The following STYK1 variants were observed in gnomAD, a reference collection of about 807,000 sequenced individuals.
The protein encoded by STYK1 is tyrosine-protein kinase STYK1.
STYK1 carries 46 observed loss-of-function variants against 48.1 expected under a neutral mutation model. The observed-to-expected ratio is 0.96, with a 90% CI of 0.75 to 1.22. The LOEUF (loss-of-function observed/expected upper bound fraction) is 1.22, where lower values mean the gene tolerates loss of function less well. Ranked by LOEUF, STYK1 falls within the 50% of genes most tolerant of loss-of-function variation. The pLI is 0.00. For missense variants in STYK1, 527 were observed against 521.1 expected, an observed-to-expected ratio of 1.01 and a Z score of -0.11; for synonymous variants, 188 against 189.0, an observed-to-expected ratio of 0.99 and a Z score of 0.04.
intron 4 of STYK1, among the ~76,000 whole-genome samples, chr12:10,632,085 C>T (rs1947435401): frequency 6.6e-6 from 1 of 151,784 alleles, no homozygotes; most frequent in Admixed American, 6.6e-5. Flanking sequence ...AGTGTGATGC[C>T]ATGAGCCTAT....
chr12:10,631,363 A>G (rs1947427369), intron 4 of STYK1, 55 bp from the exon 5 acceptor site: 1 of 1,589,006 alleles, frequency 6.3e-7, no homozygotes, highest in Non-Finnish European at 8.6e-7. Flanking sequence ...GATCCCGGAA[A>G]GCAGACCCTG....
At chr12:10,636,395 T>A (rs991455758) in intron 2 of STYK1, among the ~76,000 whole-genome samples, 2 of 152,218 alleles carry the variant, frequency 1.3e-5, no homozygotes, top group African/African-American at 4.8e-5. Flanking sequence ...GAACTTCTTA[T>A]CCTTATTCTT....
At chr12:10,666,558 G>A (rs1947835734) in intron 1 of STYK1, among the ~76,000 whole-genome samples, 1 of 152,250 alleles carries the variant, frequency 6.6e-6, no homozygotes, top group East Asian at 1.9e-4. Flanking sequence ...ATTACATGTT[G>A]ATATGATTTG....
chr12:10,661,472 C>G (rs554841389), intron 1 of STYK1, among the ~76,000 whole-genome samples: 18 of 152,332 alleles, frequency 1.2e-4, no homozygotes, highest in African/African-American at 4.3e-4. Context: ...CTTTGGAATC[C>G]ACCCTGCTCT....
intron 2 of STYK1, among the ~76,000 whole-genome samples, chr12:10,634,993 A>G (rs1290924338): frequency 6.6e-6 from 1 of 152,188 alleles, no homozygotes; most frequent in Admixed American, 6.5e-5. Flanking sequence ...TTCTGCTCCC[A>G]TGATCAAGTA....
intron 1 of STYK1, among the ~76,000 whole-genome samples, chr12:10,665,737 T>C (rs750837853): frequency 4.6e-5 from 7 of 152,214 alleles, no homozygotes; most frequent in African/African-American, 4.8e-5. Context: ...TGTGTTTTCA[T>C]TGATGGAGCT....
chr12:10,660,746 C>A lies in STYK1; in HGVS notation c.-195+13220G>T, dbSNP rs148767065. ...TTATACACTAATTATAATGTATTAG[C>A]GTGCTAAGAGACACTGCCACCAGTG... is the stretch of plus-strand genomic sequence containing the variant. On this transcript the variant is annotated intron_variant, in intron 1 of 10. Coordinates refer to ENST00000075503, the MANE Select transcript of STYK1 (RefSeq NM_018423.3). 2.7e-3 allele frequency among the ~76,000 whole-genome samples: 411 copies of A among 152,220 alleles called. 2 individuals carry two copies. Among genetic ancestry groups the A allele is most frequent in the African/African-American group, 9.3e-3 (388 of 41,518 alleles).
intron 1 of STYK1, among the ~76,000 whole-genome samples, chr12:10,669,931 A>G (rs1037507292): frequency 6.6e-6 from 1 of 152,232 alleles, no homozygotes; most frequent in East Asian, 1.9e-4. Flanking sequence ...AAAATGAGCT[A>G]TTACCTCATA....
chr12:10,647,939 C>T (rs1317738152), intron 1 of STYK1, among the ~76,000 whole-genome samples: 1 of 152,198 alleles, frequency 6.6e-6, no homozygotes. Context: ...CCACTCAGAA[C>T]TGTAAGTCCA....
chr12:10,630,741 C>T (rs1217301961), intron 5 of STYK1, among the ~76,000 whole-genome samples: 1 of 151,626 alleles, frequency 6.6e-6, no homozygotes, highest in African/African-American at 2.4e-5. Flanking sequence ...AGGAATGTAC[C>T]TCAACACAAT....
intron 1 of STYK1, among the ~76,000 whole-genome samples, chr12:10,642,640 G>T (rs1947557765): frequency 6.6e-6 from 1 of 152,144 alleles, no homozygotes. Flanking sequence ...GTGCATGTAA[G>T]TATACTCTAT....
intron 1 of STYK1, among the ~76,000 whole-genome samples, chr12:10,657,007 G>A (rs938818457): frequency 2.0e-5 from 3 of 152,160 alleles, no homozygotes; most frequent in African/African-American, 7.2e-5. Flanking sequence ...AGTTATGGGG[G>A]ATACTTAACT....
chr12:10,620,589 A>G (rs1865891795), intron 10 of STYK1, among the ~76,000 whole-genome samples: 1 of 152,212 alleles, frequency 6.6e-6, no homozygotes, highest in Non-Finnish European at 1.5e-5. Flanking sequence ...CATTTTCCAA[A>G]CTAGGGTATG....
intron 7 of STYK1, among the ~76,000 whole-genome samples, chr12:10,625,206 T>C (rs2417909): frequency 8.9e-5 from 13 of 145,868 alleles, no homozygotes; most frequent in Non-Finnish European, 1.7e-4. Flanking sequence ...TTCTTTCTTT[T>C]TTTGTTTGTT....
At chr12:10,647,875 T>C (rs1461609240) in intron 1 of STYK1, among the ~76,000 whole-genome samples, 1 of 152,186 alleles carries the variant, frequency 6.6e-6, no homozygotes, top group Non-Finnish European at 1.5e-5. Flanking sequence ...ATCATTCACA[T>C]AAGATGTGAC....
chr12:10,621,792 T>TG, intron 10 of STYK1, 84 bp downstream of exon 10: 1 of 1,250,540 alleles, frequency 8.0e-7, no homozygotes, highest in Admixed American at 1.7e-5. Context: ...GAGGATCATC[T>TG]GAGCCCTTTG....
At chr12:10,654,864 C>T (rs1378357795) in intron 1 of STYK1, among the ~76,000 whole-genome samples, 3 of 152,158 alleles carry the variant, frequency 2.0e-5, no homozygotes, top group Non-Finnish European at 4.4e-5. Context: ...CAGGAATAGG[C>T]ATGTACAGGA....
intron 1 of STYK1, among the ~76,000 whole-genome samples, chr12:10,662,340 G>A (rs1182429691): frequency 6.6e-6 from 1 of 152,218 alleles, no homozygotes; most frequent in Non-Finnish European, 1.5e-5. Context: ...TCACATACAA[G>A]TTTCTGTGTG....
intron 1 of STYK1, among the ~76,000 whole-genome samples, chr12:10,647,280 C>T (rs1947610996): frequency 6.6e-6 from 1 of 152,206 alleles, no homozygotes; most frequent in Admixed American, 6.5e-5. Context: ...CAGAGCTGCC[C>T]AAGACCATGG....
Sources: gnomAD v4.1 joint callset for allele counts (sites outside exome capture counted in the v4.1 genomes callset) on GRCh38, gnomAD v4.1.1 for gene constraint, MANE v1.5 for transcripts, NCBI Gene and HGNC (gene_info 2026-07-23, HGNC 2026-07-21) for gene names.